ZNF710: variants seen among roughly 807,000 people sequenced by gnomAD.
The protein encoded by ZNF710 is zinc finger protein 710.
In ZNF710, 13 loss-of-function variants were observed where a neutral mutation model predicts 50.6. The observed-to-expected ratio is 0.26, with a 90% CI of 0.17 to 0.41. The LOEUF is 0.41. ZNF710 is among the 10% of genes least tolerant of loss of function. ZNF710 has a pLI of 1.00. For synonymous variants in ZNF710, 383 were observed against 397.0 expected, an observed-to-expected ratio of 0.96 and a Z score of 0.42; for missense variants, 721 against 936.6, an observed-to-expected ratio of 0.77 and a Z score of 3.01.
chr15:90,047,466 T>A (rs1361021682), intron 1 of ZNF710, among the ~76,000 whole-genome samples: 2 of 152,236 alleles, frequency 1.3e-5, no homozygotes, highest in South Asian at 4.1e-4. Context: ...AACCGGTGCT[T>A]CAAAACCTGG....
rs543805437 is a variant in ZNF710, at chr15:90,073,341, C to T, written c.1650+79C>T. 1.3e-5 allele frequency: 20 copies of T among 1,515,074 alleles called. No individual in the cohort carries two copies. The Middle Eastern group carries it at 1.2e-3, about 92-fold the overall frequency. The allele number at this position is 1,515,074 out of a possible 1,614,324, so 93.9% of individuals were successfully genotyped here. ...CAGCATGCCTGCAGCAGCTGTGGCC[C>T]ACCAAGCGCCAGCCTGGCCAGTGCG... On this transcript the variant is annotated intron_variant, in intron 3 of 4. Transcript: ENST00000268154.
At position 90,067,822 on chromosome 15, in the gene ZNF710, C is replaced by T; in HGVS notation, c.685C>T (p.Pro229Ser). 1 of 1,585,918 alleles carries T rather than the reference C, an allele frequency of 6.3e-7. No individual in the cohort carries two copies. Among genetic ancestry groups the T allele is most frequent in the Non-Finnish European group, 8.6e-7 (1 of 1,165,416 alleles). Residue 229 changes from proline to serine, a missense_variant, in exon 2 of 5, where the codon CCC becomes TCC. Pro to Ser is a moderately conservative substitution (Grantham distance 74). Transcript: ENST00000268154. This position sits in a 1 kb window ranked among gnomAD's most constrained non-coding sequence, Gnocchi z 8.1. ...EPPHLAPLSD[P>S]EAPSMESPEP... Reference sequence around the variant, plus strand: ...ACCCCACCTGGCCCCCCTGAGTGACCCCGAGGCCCCCAGCATGGAGTCCCC... The same window carrying T: ...ACCCCACCTGGCCCCCCTGAGTGACTCCGAGGCCCCCAGCATGGAGTCCCC...
intron 1 of ZNF710, among the ~76,000 whole-genome samples, chr15:90,021,023 A>T (rs1382502394): frequency 7.0e-6 from 1 of 142,542 alleles, no homozygotes; most frequent in Non-Finnish European, 1.5e-5. Flanking sequence ...CCCCCCCCTT[A>T]GCAGCCTGGG....
intron 1 of ZNF710, chr15:90,025,807 AC>A (rs1428380584): frequency 6.6e-6 from 1 of 152,232 alleles, no homozygotes; most frequent in Non-Finnish European, 1.5e-5. Context: ...GTAAATTTAA[AC>A]AAACTAAAAC....
chr15:90,025,405 T>C (rs1007257160), intron 1 of ZNF710: 1 of 152,176 alleles, frequency 6.6e-6, no homozygotes, highest in South Asian at 2.1e-4. Context: ...GTCAACCTTA[T>C]GGTTTATGTA....
chr15:90,001,729 C>G (rs1371097652), intron 1 of ZNF710, 115 bp downstream of exon 1: 3 of 143,406 alleles, frequency 2.1e-5, no homozygotes, highest in African/African-American at 7.5e-5. Context: ...CCGCGGCCGA[C>G]CCGCCCCCCG....
intron 1 of ZNF710, among the ~76,000 whole-genome samples, chr15:90,002,105 G>C (rs570034364): frequency 1.3e-5 from 2 of 151,268 alleles, no homozygotes; most frequent in African/African-American, 4.9e-5. Flanking sequence ...CCCGGTGCTG[G>C]GTGCGCTCCC....
At chr15:90,022,019 T>A (rs1406227532) in intron 1 of ZNF710, among the ~76,000 whole-genome samples, 1 of 150,974 alleles carries the variant, frequency 6.6e-6, no homozygotes, top group African/African-American at 2.4e-5. Context: ...GAGGCAGAGG[T>A]TGCAGTGAGC....
intron 2 of ZNF710, among the ~76,000 whole-genome samples, chr15:90,070,009 G>C (rs1900321031): frequency 6.6e-6 from 1 of 152,192 alleles, no homozygotes; most frequent in Non-Finnish European, 1.5e-5. Context: ...TGTACATAGA[G>C]CTTCCTCTCC....
At chr15:90,023,038 GA>G (rs1898668854) in intron 1 of ZNF710, among the ~76,000 whole-genome samples, 1 of 152,204 alleles carries the variant, frequency 6.6e-6, no homozygotes, top group Non-Finnish European at 1.5e-5. Flanking sequence ...CACTGATCTA[GA>G]TTCTTTGAAT....
chr15:90,074,528 TAACA>T (rs925923969), intron 4 of ZNF710: 21 of 1,467,110 alleles, frequency 1.4e-5, no homozygotes, highest in Middle Eastern at 3.6e-4. Flanking sequence ...AAATCATAAC[TAACA>T]TTTATTGAGT....
At chr15:90,015,952 G>T (rs1347191426) in intron 1 of ZNF710, among the ~76,000 whole-genome samples, 1 of 152,110 alleles carries the variant, frequency 6.6e-6, no homozygotes, top group Admixed American at 6.6e-5. Flanking sequence ...GAATGGACAC[G>T]CCCTATGTAC....
chr15:90,073,284 G>T (rs1463061910), intron 3 of ZNF710, 22 bp downstream of exon 3: 1 of 1,605,970 alleles, frequency 6.2e-7, no homozygotes, highest in East Asian at 2.2e-5. Context: ...TCAGGCCCCG[G>T]GGCTGGGACC....
chr15:90,021,860 C>T (rs188950922), intron 1 of ZNF710, among the ~76,000 whole-genome samples: 3 of 152,066 alleles, frequency 2.0e-5, no homozygotes, highest in Admixed American at 2.0e-4. Flanking sequence ...CTGAGGCAGG[C>T]GGATCACCTG....
At position 90,079,600 on chromosome 15, in the gene ZNF710, G is replaced by GCTCCTCCC. The variant is rs1229844604; in HGVS notation, c.1826-60_1826-59insCTCCTCCC. 6.3e-6 allele frequency: 10 copies of GCTCCTCCC among 1,587,056 alleles called. No homozygotes were observed. The African/African-American group carries it at 1.4e-4, about 22-fold the overall frequency. On this transcript the variant is annotated intron_variant, in intron 4 of 4. Coordinates refer to ENST00000268154, the MANE Select transcript of ZNF710 (RefSeq NM_198526.4). ...AGAAAGGCCATCAGCTTCCTGCGTG[G>GCTCCTCCC]GGGTGACTGGCTCCTCCCGAGAGAT...
chr15:90,075,400 T>TA (rs1387229979), intron 4 of ZNF710: 1 of 152,244 alleles, frequency 6.6e-6, no homozygotes, highest in Non-Finnish European at 1.5e-5. Flanking sequence ...CGTGTGCCTA[T>TA]AATCTCAGCT....
intron 1 of ZNF710, among the ~76,000 whole-genome samples, chr15:90,008,425 T>TATATATATACATATATATATATATAC (rs1163160856): frequency 1.5e-5 from 2 of 133,464 alleles, no homozygotes; most frequent in African/African-American, 6.1e-5. Context: ...TGTGTGTGTG[T>TATATATATACATATATATATATATAC]GTATATATAT....
chr15:90,024,429 C>T (rs1341111371), intron 1 of ZNF710, among the ~76,000 whole-genome samples: 2 of 152,222 alleles, frequency 1.3e-5, no homozygotes, highest in Non-Finnish European at 2.9e-5. Context: ...GGCCCCCCAC[C>T]TGTGCTTCTT....
intron 4 of ZNF710, among the ~76,000 whole-genome samples, chr15:90,076,846 C>G (rs893994567): frequency 2.6e-5 from 4 of 152,046 alleles, no homozygotes; most frequent in African/African-American, 7.2e-5. Context: ...AAAAGACTGT[C>G]CCTGTACACC....
Sources: allele counts gnomAD v4.1 joint callset (sites outside exome capture counted in the v4.1 genomes callset), GRCh38; gene constraint gnomAD v4.1.1; non-coding constraint Gnocchi (gnomAD v3.1); transcripts MANE v1.5; gene names NCBI Gene and HGNC (gene_info 2026-07-23, HGNC 2026-07-21).